The following THRB variants were observed in gnomAD, a reference collection of about 807,000 sequenced individuals.
THRB encodes nuclear receptor subfamily 1 group A member 2.
A neutral mutation model predicts 47.8 loss-of-function variants in THRB; 12 were observed. The ratio of observed to expected loss-of-function variants is 0.25; its 90% CI spans 0.16 to 0.41. The LOEUF (loss-of-function observed/expected upper bound fraction) is 0.41, where lower values mean the gene tolerates loss of function less well. Among genes scored for constraint, THRB ranks in the 10% least tolerant of loss-of-function variants. The pLI is 1.00. For synonymous variants in THRB, 218 were observed against 212.2 expected (o/e 1.03, Z -0.24); for missense variants, 348 against 589.2 (o/e 0.59, Z 4.24).
intron 1 of THRB, among the ~76,000 whole-genome samples, chr3:24,419,228 C>T (rs1438782260): frequency 6.6e-6 from 1 of 151,888 alleles, no homozygotes; most frequent in African/African-American, 2.4e-5. Context: ...GTACCCTGTA[C>T]TATCTCTGCA....
At chr3:24,177,460 AATTTAAAAC>A (rs1195588005) in intron 5 of THRB, among the ~76,000 whole-genome samples, 6 of 152,192 alleles carry the variant, frequency 3.9e-5, no homozygotes, top group African/African-American at 1.4e-4. Context: ...GAACACACTC[AATTTAAAAC>A]ATTGTCAGTA....
chr3:24,340,726 T>C (rs1576973808), intron 1 of THRB, among the ~76,000 whole-genome samples: 1 of 152,216 alleles, frequency 6.6e-6, no homozygotes, highest in African/African-American at 2.4e-5. Flanking sequence ...TGTGATTGTA[T>C]TTCCAAATTA....
At chr3:24,207,929 T>C (rs2045575853) in intron 4 of THRB, among the ~76,000 whole-genome samples, 1 of 152,168 alleles carries the variant, frequency 6.6e-6, no homozygotes, top group Non-Finnish European at 1.5e-5. Context: ...GATGACATGA[T>C]TGTATATTTA....
intron 2 of THRB, among the ~76,000 whole-genome samples, chr3:24,318,877 C>A (rs1236148454): frequency 6.6e-6 from 1 of 152,216 alleles, no homozygotes; most frequent in Non-Finnish European, 1.5e-5. Context: ...CACATCACTT[C>A]TCTCTAGAAA....
At chr3:24,390,015 G>A (rs1253400929) in intron 1 of THRB, among the ~76,000 whole-genome samples, 1 of 152,098 alleles carries the variant, frequency 6.6e-6, no homozygotes, top group Non-Finnish European at 1.5e-5. Context: ...TGCTAGGAAG[G>A]AGGAACCAGA....
intron 3 of THRB, among the ~76,000 whole-genome samples, chr3:24,239,025 T>C (rs972407101): frequency 3.3e-5 from 5 of 151,442 alleles, no homozygotes; most frequent in African/African-American, 1.2e-4. Flanking sequence ...CACAGCAATC[T>C]CTTTCTCCTG....
intron 4 of THRB, among the ~76,000 whole-genome samples, chr3:24,213,961 C>T (rs1465523422): frequency 6.6e-6 from 1 of 152,196 alleles, no homozygotes; most frequent in Non-Finnish European, 1.5e-5. Context: ...ATGATGATGG[C>T]ACCTGTCATT....
chr3:24,198,280 A>G (rs1868572), intron 4 of THRB, among the ~76,000 whole-genome samples: 23,698 of 152,160 alleles, frequency 0.16, 2,103 homozygotes, highest in Non-Finnish European at 0.2. Context: ...TCTAAAGGAA[A>G]TCTGCTATTA....
chr3:24,394,699 G>A (rs1351934180), intron 1 of THRB, among the ~76,000 whole-genome samples: 1 of 152,084 alleles, frequency 6.6e-6, no homozygotes, highest in African/African-American at 2.4e-5. Context: ...CATTCAGCAA[G>A]GCACTTCCTG....
intron 3 of THRB, among the ~76,000 whole-genome samples, chr3:24,260,581 C>T (rs1033487303): frequency 3.3e-5 from 5 of 152,148 alleles, no homozygotes; most frequent in Non-Finnish European, 7.3e-5. Flanking sequence ...GAGAAAAAGA[C>T]ACAATCATAC....
At chr3:24,339,178 T>G (rs890965599) in intron 1 of THRB, among the ~76,000 whole-genome samples, 10 of 152,196 alleles carry the variant, frequency 6.6e-5, no homozygotes, top group African/African-American at 2.4e-4. Context: ...TATTTTTTTT[T>G]GAGAGTGTAA....
intron 2 of THRB, among the ~76,000 whole-genome samples, chr3:24,313,154 C>G (rs542933791): frequency 3.4e-4 from 52 of 152,264 alleles, no homozygotes; most frequent in African/African-American, 1.2e-3. Context: ...CAGCAACTCC[C>G]AATTTTCAAG....
chr3:24,168,486 C>CA, intron 5 of THRB, among the ~76,000 whole-genome samples: 1 of 116,912 alleles, frequency 8.6e-6, no homozygotes, highest in South Asian at 2.7e-4. Context: ...GTGTTTCAAT[C>CA]AATAATATAT....
rs1168108310 is a variant in THRB at position 24,121,529 on chromosome 3, CTGTT to C, written c.*1351_*1354del. ...CTGACGCTGAAGAGATGAAGTGTCA[CTGTT>C]TGTTTTCTGGGCACAAGCTATTCTA... is the stretch of plus-strand genomic sequence containing the variant. On this transcript the variant is annotated 3_prime_UTR_variant, in exon 11 of 11. Transcript: ENST00000646209. 1 of 152,562 alleles carries C rather than the reference CTGTT, an allele frequency of 6.6e-6. No homozygotes were observed. Among genetic ancestry groups the C allele is most frequent in the Admixed American group, 6.6e-5 (1 of 15,254 alleles). The allele number at this position is 152,562 out of a possible 1,614,324, so 9.5% of individuals were successfully genotyped here.
intron 3 of THRB, 120 bp from the exon 4 acceptor site, chr3:24,229,121 C>T: frequency 1.5e-6 from 1 of 687,728 alleles, no homozygotes; most frequent in Non-Finnish European, 2.6e-6. Context: ...ACTCTCAACT[C>T]AGAACTGGGG....
intron 10 of THRB, among the ~76,000 whole-genome samples, chr3:24,126,322 G>A (rs966303030): frequency 2.1e-4 from 32 of 152,084 alleles, no homozygotes; most frequent in Admixed American, 1.1e-3. Flanking sequence ...TCAAGCCTGC[G>A]ATGAGCTGTC....
At chr3:24,428,289 T>C (rs753760648) in intron 1 of THRB, among the ~76,000 whole-genome samples, 1 of 152,030 alleles carries the variant, frequency 6.6e-6, no homozygotes, top group Non-Finnish European at 1.5e-5. Context: ...CATTGACACA[T>C]TGGACAGTGT....
At chr3:24,256,317 T>C (rs989335130) in intron 3 of THRB, among the ~76,000 whole-genome samples, 1 of 151,818 alleles carries the variant, frequency 6.6e-6, no homozygotes, top group Non-Finnish European at 1.5e-5. Context: ...ACAGATGGAG[T>C]TGAAGAGTAA....
At chr3:24,430,632 A>G (rs554198456) in intron 1 of THRB, 9 of 152,080 alleles carry the variant, frequency 5.9e-5, no homozygotes, top group Admixed American at 2.6e-4. Context: ...GTACTAAAAG[A>G]AAGAAAGAAA....
Sources: allele counts gnomAD v4.1 joint callset (sites outside exome capture counted in the v4.1 genomes callset), GRCh38; gene constraint gnomAD v4.1.1; transcripts MANE v1.5; gene names NCBI Gene and HGNC (gene_info 2026-07-23, HGNC 2026-07-21).